The following RSU1 variants were observed in gnomAD, a reference collection of about 807,000 sequenced individuals.
RSU1 encodes Ras suppressor protein 1.
Under a neutral mutation model 31.1 loss-of-function variants are expected in RSU1, and 26 were observed. The ratio of observed to expected loss-of-function variants is 0.84; its 90% CI spans 0.61 to 1.16. The LOEUF (loss-of-function observed/expected upper bound fraction) is 1.16, where lower values mean the gene tolerates loss of function less well. RSU1 is among the 50% of genes most tolerant of loss of function. RSU1 has a pLI of 0.00. For synonymous variants in RSU1, 164 were observed against 136.3 expected, an observed-to-expected ratio of 1.20 and a Z score of -1.41; for missense variants, 320 against 339.1, an observed-to-expected ratio of 0.94 and a Z score of 0.44.
intron 8 of RSU1, among the ~76,000 whole-genome samples, chr10:16,659,564 T>C (rs1035868505): frequency 1.3e-5 from 2 of 152,196 alleles, no homozygotes; most frequent in African/African-American, 4.8e-5. Flanking sequence ...CATGAGATTA[T>C]TTATGGGCTT....
chr10:16,780,955 G>C (rs1039951411), intron 3 of RSU1, among the ~76,000 whole-genome samples: 5 of 152,116 alleles, frequency 3.3e-5, no homozygotes, highest in Non-Finnish European at 5.9e-5. Flanking sequence ...TAATCCACTT[G>C]TTTCTTGCAC....
intron 3 of RSU1, among the ~76,000 whole-genome samples, chr10:16,778,175 T>C (rs1837575159): frequency 6.6e-6 from 1 of 152,006 alleles, no homozygotes; most frequent in South Asian, 2.1e-4. Context: ...CTCATGTTTT[T>C]TTTAAGAGAT....
chr10:16,794,976 G>C (rs1390893039), intron 2 of RSU1, among the ~76,000 whole-genome samples: 1 of 152,086 alleles, frequency 6.6e-6, no homozygotes, highest in Non-Finnish European at 1.5e-5. Flanking sequence ...ACAAATAAAA[G>C]AGAGAAAAAA....
At chr10:16,695,690 G>A (rs1835659869) in intron 7 of RSU1, among the ~76,000 whole-genome samples, 1 of 152,292 alleles carries the variant, frequency 6.6e-6, no homozygotes, top group South Asian at 2.1e-4. Flanking sequence ...ACATGGCAGT[G>A]ATAAAGACTA....
At chr10:16,761,052 C>T (rs1305297248) in intron 4 of RSU1, among the ~76,000 whole-genome samples, 2 of 152,206 alleles carry the variant, frequency 1.3e-5, no homozygotes, top group Non-Finnish European at 2.9e-5. Flanking sequence ...AACGATTCTC[C>T]TGCCTCAGCC....
intron 7 of RSU1, among the ~76,000 whole-genome samples, chr10:16,743,246 G>T (rs1836786164): frequency 1.3e-5 from 2 of 152,156 alleles, no homozygotes; most frequent in African/African-American, 4.8e-5. Context: ...TATTGGCTCA[G>T]TTTTGACACA....
intron 2 of RSU1, among the ~76,000 whole-genome samples, chr10:16,804,782 A>G (rs973480183): frequency 3.3e-5 from 5 of 152,216 alleles, no homozygotes; most frequent in Admixed American, 2.6e-4. Context: ...ATAGAGACAA[A>G]CTGTAACATT....
At chr10:16,780,318 C>T (rs186355753) in intron 3 of RSU1, among the ~76,000 whole-genome samples, 102 of 152,274 alleles carry the variant, frequency 6.7e-4, no homozygotes, top group African/African-American at 2.3e-3. Flanking sequence ...AGAGCAGGGT[C>T]GTCATCATGG....
intron 2 of RSU1, among the ~76,000 whole-genome samples, chr10:16,788,862 G>A (rs1241064185): frequency 2.0e-5 from 3 of 152,156 alleles, no homozygotes; most frequent in African/African-American, 7.2e-5. Flanking sequence ...GGGTGACCAC[G>A]TGCCAGCTAA....
At chr10:16,722,567 G>A (rs1178502547) in intron 7 of RSU1, among the ~76,000 whole-genome samples, 2 of 152,132 alleles carry the variant, frequency 1.3e-5, no homozygotes, top group African/African-American at 4.8e-5. Flanking sequence ...GGTATCAGGT[G>A]AGAGGTCTAG....
intron 8 of RSU1, among the ~76,000 whole-genome samples, chr10:16,632,563 C>A (rs1449824467): frequency 6.6e-6 from 1 of 152,216 alleles, no homozygotes; most frequent in Non-Finnish European, 1.5e-5. Flanking sequence ...CCTATCACAA[C>A]CACCATGCCC....
chr10:16,725,947 C>T (rs1836384832), intron 7 of RSU1, among the ~76,000 whole-genome samples: 1 of 150,620 alleles, frequency 6.6e-6, no homozygotes, highest in South Asian at 2.1e-4. Flanking sequence ...GCTATCAAAA[C>T]TATTTTGAAA....
rs375101982 is a variant in RSU1 at position 16,753,670 on chromosome 10, A to C, written c.401-670T>G. ...AGAAATTTGTTCATAATTATTACAC[A>C]ATGATAATACGATTCCAACCTACTG... On this transcript the variant is annotated intron_variant, in intron 5 of 8. Coordinates refer to ENST00000345264, the MANE Select transcript of RSU1 (RefSeq NM_012425.4). 1.2e-4 allele frequency among the ~76,000 whole-genome samples: 18 copies of C among 152,372 alleles called. No individual in the cohort carries two copies. In the East Asian group the frequency reaches 3.5e-3, roughly 29 times the overall value.
chr10:16,590,820 A>G lies in RSU1; in HGVS notation c.*2574T>C, dbSNP rs1176206409. 1 of 152,242 alleles carries G rather than the reference A, an allele frequency of 6.6e-6. No homozygotes were observed. Among genetic ancestry groups the G allele is most frequent in the Non-Finnish European group, 1.5e-5 (1 of 68,036 alleles). 9.4% of individuals were successfully genotyped at this position (152,242 alleles called of 1,614,324 possible). On this transcript the variant is annotated 3_prime_UTR_variant, in exon 9 of 9. Transcript: ENST00000345264. ...TTACAAACAAGCTTCCTTTTGACAC[A>G]GCTGGGACCATCCTTATATAGTTAG...
chr10:16,684,256 T>G (rs550167043), intron 8 of RSU1, among the ~76,000 whole-genome samples: 22 of 152,316 alleles, frequency 1.4e-4, no homozygotes, highest in African/African-American at 5.1e-4. Context: ...ATTTTCTTCT[T>G]TGTCACATAA....
intron 3 of RSU1, among the ~76,000 whole-genome samples, chr10:16,773,215 A>G (rs1052674544): frequency 1.3e-5 from 2 of 151,998 alleles, no homozygotes; most frequent in Non-Finnish European, 2.9e-5. Flanking sequence ...AAAGAAAAAA[A>G]AAAAGAAAAG....
rs769563196 is a variant in RSU1 at position 16,695,171 on chromosome 10, A to AGGGG, written c.599-17_599-16insCCCC. 6.0e-5 allele frequency: 91 copies of AGGGG among 1,519,416 alleles called. No homozygotes were observed. The African/African-American group carries it at 7.0e-4, about 12-fold the overall frequency. The allele number at this position is 1,519,416 out of a possible 1,614,324, so 94.1% of individuals were successfully genotyped here. On this transcript the variant is annotated splice_polypyrimidine_tract_variant and intron_variant, in intron 7 of 8. Transcript: ENST00000345264. ...TCCAAGTTTCCTGGGGGGGGGGAAA[A>AGGGG]AAAAAGTGAAGGTCACTTCATCCAA...
intron 7 of RSU1, among the ~76,000 whole-genome samples, chr10:16,740,380 T>C (rs1387729525): frequency 6.6e-6 from 1 of 152,190 alleles, no homozygotes; most frequent in Non-Finnish European, 1.5e-5. Context: ...CAAAAAAATC[T>C]TACAGATAAC....
At chr10:16,791,476 A>C (rs774389497) in intron 2 of RSU1, among the ~76,000 whole-genome samples, 4 of 152,160 alleles carry the variant, frequency 2.6e-5, no homozygotes, top group Admixed American at 1.3e-4. Flanking sequence ...CGAAGTACAA[A>C]AAATTAGTCG....
Sources: allele counts gnomAD v4.1 joint callset (sites outside exome capture counted in the v4.1 genomes callset), GRCh38; gene constraint gnomAD v4.1.1; transcripts MANE v1.5; gene names NCBI Gene and HGNC (gene_info 2026-07-23, HGNC 2026-07-21).